HEPHL1: variants seen among roughly 807,000 people sequenced by gnomAD.
HEPHL1 encodes ferroxidase HEPHL1.
HEPHL1 carries 123 observed loss-of-function variants against 122.0 expected under a neutral mutation model. That is an observed-to-expected ratio of 1.01 (90% CI 0.87 to 1.17). The LOEUF is 1.17. HEPHL1 is among the 50% of genes most tolerant of loss of function. The pLI, the probability that HEPHL1 is intolerant of heterozygous loss-of-function variation, is 0.00. For missense variants in HEPHL1, 1,452 were observed against 1,430.5 expected (o/e 1.01, Z -0.24); for synonymous variants, 527 against 508.9 (o/e 1.04, Z -0.48).
chr11:94,086,560 A>G lies in HEPHL1; in HGVS notation c.2080+371A>G, dbSNP rs116161051. On this transcript the variant is annotated intron_variant, in intron 11 of 19. Coordinates refer to ENST00000315765, the MANE Select transcript of HEPHL1 (RefSeq NM_001098672.2). ...TGCTTCTCTGAAGCATCTACCAGGC[A>G]TGGACATCCCAGTGGATGCTTCCAG... Among the ~76,000 whole-genome samples, 557 of 152,336 alleles carry G rather than the reference A, an allele frequency of 3.7e-3. 4 individuals are homozygous for G. The highest frequency in any genetic ancestry group is 0.012 in the African/African-American group (515 of 41,586).
chr11:94,107,966 C>G (rs1946421753), intron 17 of HEPHL1, among the ~76,000 whole-genome samples: 1 of 152,164 alleles, frequency 6.6e-6, no homozygotes, highest in Admixed American at 6.5e-5. Context: ...AACCACCAAA[C>G]TGTTTTCCAA....
chr11:94,036,392 G>C (rs1382354434), intron 1 of HEPHL1, among the ~76,000 whole-genome samples: 8 of 152,168 alleles, frequency 5.3e-5, no homozygotes, highest in Non-Finnish European at 1.2e-4. Context: ...AGGGAGAGAA[G>C]AATCAAAGAG....
intron 1 of HEPHL1, among the ~76,000 whole-genome samples, chr11:94,030,061 G>C (rs746988548): frequency 1.3e-5 from 2 of 152,214 alleles, no homozygotes; most frequent in Non-Finnish European, 2.9e-5. Context: ...GAACAGGGTA[G>C]AGAAGTAGAG....
At chr11:94,045,022 C>G (rs1471036793) in intron 1 of HEPHL1, among the ~76,000 whole-genome samples, 1 of 152,156 alleles carries the variant, frequency 6.6e-6, no homozygotes, top group Non-Finnish European at 1.5e-5. Flanking sequence ...CCTCCTGCCT[C>G]AGCATATCAG....
At chr11:94,025,312 C>T (rs1945615242) in intron 1 of HEPHL1, among the ~76,000 whole-genome samples, 1 of 152,114 alleles carries the variant, frequency 6.6e-6, no homozygotes, top group Non-Finnish European at 1.5e-5. Context: ...ACACTGGGCT[C>T]CTTTGAGTTG....
intron 5 of HEPHL1, 50 bp from the exon 6 acceptor site, chr11:94,070,324 C>T: frequency 6.6e-7 from 1 of 1,519,318 alleles, no homozygotes; most frequent in Non-Finnish European, 8.9e-7. Context: ...CTATATGATT[C>T]CTTTTGTGAT....
intron 13 of HEPHL1, among the ~76,000 whole-genome samples, chr11:94,099,153 T>A (rs1445351437): frequency 6.6e-6 from 1 of 152,220 alleles, no homozygotes; most frequent in Non-Finnish European, 1.5e-5. Context: ...TTTATCTACC[T>A]TTGGTCTTTG....
At position 94,037,324 on chromosome 11, in the gene HEPHL1, G is replaced by T. The variant is rs1388236566; in HGVS notation, c.171-8349G>T. ...CCCGCCATTGCCCAGGCTTGCTTAG[G>T]TAAACAAAGCAGCCAGAAAGCTTGA... On this transcript the variant is annotated intron_variant, in intron 1 of 19. Transcript: ENST00000315765. Among the ~76,000 whole-genome samples, 8 of 151,960 alleles carry T rather than the reference G, an allele frequency of 5.3e-5. No individual in the cohort carries two copies. The East Asian group carries it at 7.7e-4, about 15-fold the overall frequency.
Position 94,064,453 on chromosome 11 carries a change from A to G in HEPHL1, c.751A>G (p.Asn251Asp), listed in dbSNP as rs1945783. 0.99 allele frequency: 1,591,269 copies of G among 1,612,948 alleles called. 787,298 individuals are homozygous for G. The highest frequency in any genetic ancestry group is 1 in the East Asian group (44,844 of 44,856). The change falls in exon 4 of 20, where the codon AAC becomes GAC. Residue 251 changes from asparagine (N) to aspartate (D), a missense_variant. By Grantham distance (23) the Asn-to-Asp change is conservative. Transcript: ENST00000315765. ...LNENIKHFCT[N>D]PDSVDKKDAV... ...TGAAAATATCAAACATTTCTGCACC[A>G]ACCCTGATTCAGTTGACAAGAAAGA...
chr11:94,092,735 T>C (rs1482700338), intron 12 of HEPHL1, among the ~76,000 whole-genome samples: 1 of 152,120 alleles, frequency 6.6e-6, no homozygotes, highest in Non-Finnish European at 1.5e-5. Flanking sequence ...ACAGTGTTAA[T>C]GCTGTTGAGC....
chr11:94,078,471 A>ATATATATATT, intron 9 of HEPHL1, among the ~76,000 whole-genome samples: 1 of 147,316 alleles, frequency 6.8e-6, no homozygotes, highest in Non-Finnish European at 1.5e-5. Flanking sequence ...ATATATATAT[A>ATATATATATT]TATATGGAGA....
intron 15 of HEPHL1, among the ~76,000 whole-genome samples, chr11:94,103,273 C>CAAAAA (rs755716566): frequency 2.3e-5 from 1 of 44,282 alleles, no homozygotes; most frequent in Non-Finnish European, 4.6e-5. Context: ...TTTTTTTTCC[C>CAAAAA]AAAAAAAAAA....
intron 11 of HEPHL1, among the ~76,000 whole-genome samples, chr11:94,086,652 T>A (rs1946220839): frequency 6.6e-6 from 1 of 152,190 alleles, no homozygotes; most frequent in African/African-American, 2.4e-5. Flanking sequence ...GCCTTTTGAT[T>A]GGGGGAATTC....
At chr11:94,022,611 A>G (rs1335661582) in intron 1 of HEPHL1, among the ~76,000 whole-genome samples, 8 of 152,254 alleles carry the variant, frequency 5.3e-5, no homozygotes, top group African/African-American at 1.9e-4. Flanking sequence ...TTTACCAAAG[A>G]TGAAGCCTGT....
intron 3 of HEPHL1, 119 bp from the exon 4 acceptor site, chr11:94,064,212 G>T: frequency 1.6e-6 from 1 of 644,000 alleles, no homozygotes. Context: ...TTATATGGTG[G>T]GTTATCCTTG....
At chr11:94,023,700 G>C (rs16919833) in intron 1 of HEPHL1, among the ~76,000 whole-genome samples, 1 of 152,146 alleles carries the variant, frequency 6.6e-6, no homozygotes, top group Non-Finnish European at 1.5e-5. Context: ...TACCTAGAAC[G>C]CCAAGGTCCC....
chr11:94,093,825 T>TA (rs960890325), intron 13 of HEPHL1, among the ~76,000 whole-genome samples, 185 bp downstream of exon 13: 3 of 151,214 alleles, frequency 2.0e-5, no homozygotes, highest in Non-Finnish European at 4.4e-5. Context: ...GCTCAACTCA[T>TA]ACAAAAACTA....
intron 1 of HEPHL1, among the ~76,000 whole-genome samples, chr11:94,031,022 A>C (rs1019682561): frequency 6.6e-6 from 1 of 151,814 alleles, no homozygotes; most frequent in African/African-American, 2.4e-5. Flanking sequence ...ATCCAACAAC[A>C]CCCTTTGTTG....
intron 5 of HEPHL1, among the ~76,000 whole-genome samples, chr11:94,068,822 T>C (rs1591476518): frequency 6.6e-6 from 1 of 152,130 alleles, no homozygotes; most frequent in Admixed American, 6.6e-5. Flanking sequence ...AAAAATATGT[T>C]AATGGAATAG....
Sources: gnomAD v4.1 joint callset for allele counts (sites outside exome capture counted in the v4.1 genomes callset) on GRCh38, gnomAD v4.1.1 for gene constraint, MANE v1.5 for transcripts, NCBI Gene and HGNC (gene_info 2026-07-23, HGNC 2026-07-21) for gene names.